PIGN: variants seen among roughly 807,000 people sequenced by gnomAD.
The protein encoded by PIGN is GPI ethanolamine phosphate transferase 1.
A neutral mutation model predicts 125.4 loss-of-function variants in PIGN; 117 were observed. The observed-to-expected ratio is 0.93, with a 90% CI of 0.80 to 1.09. PIGN has a LOEUF of 1.09. PIGN is among the 50% of genes least tolerant of loss of function. The pLI is 0.00. For synonymous variants in PIGN, 392 were observed against 377.8 expected (o/e 1.04, Z -0.44); for missense variants, 1,075 against 1,094.9 (o/e 0.98, Z 0.26).
chr18:62,146,197 T>C (rs796931076), intron 9 of PIGN, among the ~76,000 whole-genome samples, 172 bp from the exon 10 acceptor site: 1 of 152,156 alleles, frequency 6.6e-6, no homozygotes, highest in African/African-American at 2.4e-5. Context: ...AATATTCCTA[T>C]AAAGCAAGTT....
At chr18:62,138,418 T>A (rs1256527308) in intron 13 of PIGN, 120 bp from the exon 14 acceptor site, 2 of 1,319,334 alleles carry the variant, frequency 1.5e-6, no homozygotes, top group Admixed American at 3.1e-5. Context: ...TAAATGGAAT[T>A]TTATGTTACT....
At chr18:62,079,014 T>C (rs997136928) in intron 28 of PIGN, among the ~76,000 whole-genome samples, 5 of 152,186 alleles carry the variant, frequency 3.3e-5, no homozygotes, top group African/African-American at 1.2e-4. Flanking sequence ...CCCCTTCTTT[T>C]CTGCCCCTGC....
At chr18:62,163,747 A>C (rs1208230809) in intron 1 of PIGN, 91 bp from the exon 2 acceptor site, 5 of 152,164 alleles carry the variant, frequency 3.3e-5, no homozygotes, top group Admixed American at 1.3e-4. Context: ...TGTAGTGTTA[A>C]ATATATTCAC....
At chr18:62,114,367 A>G (rs1268653249) in intron 15 of PIGN, among the ~76,000 whole-genome samples, 194 bp downstream of exon 15, 5 of 151,978 alleles carry the variant, frequency 3.3e-5, no homozygotes, top group Non-Finnish European at 7.4e-5. Context: ...CTCAAAAAAA[A>G]AAAAAAAAAT....
intron 23 of PIGN, among the ~76,000 whole-genome samples, chr18:62,092,780 A>G (rs896605292): frequency 6.6e-6 from 1 of 152,114 alleles, no homozygotes; most frequent in East Asian, 1.9e-4. Context: ...CTATTTTTCC[A>G]ATGATTTTTT....
At chr18:62,051,737 C>T (rs1599400141) in intron 30 of PIGN, 1 of 133,138 alleles carries the variant, frequency 7.5e-6, no homozygotes, top group African/African-American at 3.4e-5. Flanking sequence ...TTCTTGCCTT[C>T]TGCTAGCTTT....
chr18:62,100,538 T>C (rs930070793), intron 22 of PIGN, among the ~76,000 whole-genome samples: 2 of 152,230 alleles, frequency 1.3e-5, no homozygotes, highest in African/African-American at 4.8e-5. Flanking sequence ...GTCTTCCAAC[T>C]GGAAGGGAAA....
At chr18:62,107,249 A>AT (rs896187557) in intron 17 of PIGN, among the ~76,000 whole-genome samples, 164 bp from the exon 18 acceptor site, 16 of 151,402 alleles carry the variant, frequency 1.1e-4, no homozygotes, top group East Asian at 3.9e-4. Context: ...TTATTTACCT[A>AT]TTTTTTTTTA....
chr18:62,144,854 G>T (rs948079882), intron 10 of PIGN, among the ~76,000 whole-genome samples: 3 of 152,086 alleles, frequency 2.0e-5, no homozygotes, highest in Non-Finnish European at 4.4e-5. Context: ...TGGTTCCAGC[G>T]ACTTGGGAGG....
chr18:62,089,899 A>AG (rs1419290463), intron 24 of PIGN, among the ~76,000 whole-genome samples: 1 of 152,174 alleles, frequency 6.6e-6, no homozygotes, highest in Admixed American at 6.5e-5. Context: ...TTAACTCTGT[A>AG]GCCCACCATG....
chr18:62,154,240 G>A (rs2036639266), intron 7 of PIGN: 1 of 405,812 alleles, frequency 2.5e-6, no homozygotes, highest in Non-Finnish European at 4.3e-6. Context: ...ATTACTACAA[G>A]AGTCTGATTC....
At chr18:62,183,032 G>A (rs893996390) in intron 1 of PIGN, among the ~76,000 whole-genome samples, 2 of 152,194 alleles carry the variant, frequency 1.3e-5, no homozygotes, top group Admixed American at 1.3e-4. Flanking sequence ...CTGTTGTACA[G>A]CATGGTGACT....
intron 28 of PIGN, among the ~76,000 whole-genome samples, chr18:62,077,091 C>T (rs1011775105): frequency 1.3e-5 from 2 of 152,128 alleles, no homozygotes; most frequent in South Asian, 2.1e-4. Flanking sequence ...TTCAAAAGAG[C>T]TTTAGAATGA....
intron 23 of PIGN, among the ~76,000 whole-genome samples, chr18:62,020,606 A>G (rs2030041217): frequency 6.6e-6 from 1 of 152,090 alleles, no homozygotes; most frequent in Admixed American, 6.5e-5. Flanking sequence ...GGAAAATACA[A>G]ATTAAAACTA....
At position 62,028,402 on chromosome 18, in the gene PIGN, T is replaced by C. The variant is rs1242331097; in HGVS notation, c.2143-10661A>G. ...GTAGGCTTTGGTCATTTAGACCATC[T>C]GCTCTAAAAAGAAATAGAAGAAATT... On this transcript the variant is annotated intron_variant, in intron 23 of 24. Coordinates refer to the PIGN transcript ENST00000639600. 2.0e-5 allele frequency among the ~76,000 whole-genome samples: 3 copies of C among 152,352 alleles called. No individual in the cohort carries two copies. In the South Asian group the frequency reaches 6.2e-4, roughly 32 times the overall value.
intron 1 of PIGN, among the ~76,000 whole-genome samples, chr18:62,166,912 C>A (rs1371846359): frequency 6.6e-6 from 1 of 151,822 alleles, no homozygotes; most frequent in African/African-American, 2.4e-5. Context: ...GGGTGGAGGA[C>A]AAAAGAAGGG....
At chr18:62,151,566 C>T (rs1265611222) in intron 7 of PIGN, among the ~76,000 whole-genome samples, 2 of 152,164 alleles carry the variant, frequency 1.3e-5, no homozygotes, top group Non-Finnish European at 2.9e-5. Context: ...GGGCGCCCCA[C>T]CCTAAGGGAA....
chr18:62,033,614 G>C (rs2144895445), intron 23 of PIGN, among the ~76,000 whole-genome samples: 1 of 152,212 alleles, frequency 6.6e-6, no homozygotes, highest in Non-Finnish European at 1.5e-5. Flanking sequence ...GTAGAACTAT[G>C]CTTATTTGAA....
rs574639363 is a variant in PIGN, at chr18:62,074,236, A to C, written c.2619+543T>G. Among the ~76,000 whole-genome samples the C allele has an allele frequency of 2.6e-5, 4 of 152,284 alleles. No individual in the cohort carries two copies. In the East Asian group the frequency reaches 7.7e-4, roughly 29 times the overall value. ...TTCAGTGAATTCTAGTGAATTACTA[A>C]AGCTGAGGGTGGTCTTGGGAACTCC... On this transcript the variant is annotated intron_variant, in intron 29 of 30. Transcript: ENST00000640252.
Sources: gnomAD v4.1 joint callset for allele counts (sites outside exome capture counted in the v4.1 genomes callset) on GRCh38, gnomAD v4.1.1 for gene constraint, MANE v1.5 for transcripts, NCBI Gene and HGNC (gene_info 2026-07-23, HGNC 2026-07-21) for gene names.